Variants in BIRC6 observed in about 807,000 individuals in gnomAD.
BIRC6 encodes the protein baculoviral IAP repeat containing 6, also known as dual E2 ubiquitin-conjugating enzyme/E3 ubiquitin-protein ligase BIRC6.
Under a neutral mutation model 503.3 loss-of-function variants are expected in BIRC6, and 98 were observed. The ratio of observed to expected loss-of-function variants is 0.19; its 90% CI spans 0.17 to 0.23. The LOEUF (loss-of-function observed/expected upper bound fraction) is 0.23. Ranked by LOEUF, BIRC6 falls within the 10% of genes least tolerant of loss-of-function variation. BIRC6 has a pLI of 1.00. For synonymous variants in BIRC6, 2,240 were observed against 2,078.7 expected, an observed-to-expected ratio of 1.08 and a Z score of -2.11; for missense variants, 5,360 against 5,806.0, an observed-to-expected ratio of 0.92 and a Z score of 2.50.
At position 32,477,525 on chromosome 2, in the gene BIRC6, T is replaced by A. The variant is rs764630904; in HGVS notation, c.7010T>A (p.Leu2337Gln). 8.7e-6 allele frequency: 14 copies of A among 1,613,874 alleles called. No homozygotes were observed. The South Asian group carries it at 1.4e-4, about 16-fold the overall frequency. The part of the protein sequence containing the change: ...RCISVVQKLV[L>Q]FLLSMDFTCH... ...ATCTCAGTAGTCCAGAAACTTGTTC[T>A]GTTTCTTCTCTCCATGGACTTTACA... Residue 2337 changes from leucine (L) to glutamine (Q), a missense_variant, in exon 35 of 74, where the codon CTG (leucine) becomes CAG (glutamine). Leu to Gln is a moderately radical substitution (Grantham distance 113). Transcript: ENST00000421745.
chr2:32,430,057 A>C (rs2043927331), intron 11 of BIRC6, among the ~76,000 whole-genome samples: 1 of 152,228 alleles, frequency 6.6e-6, no homozygotes, highest in African/African-American at 2.4e-5. Flanking sequence ...AATATTTACA[A>C]ACTAAGCAGA....
rs778644059 is a variant in BIRC6 at position 32,357,114 on chromosome 2, C to A, written c.-48C>A. On this transcript the variant is annotated 5_prime_UTR_variant, in exon 1 of 74. Coordinates refer to ENST00000421745, the MANE Select transcript of BIRC6 (RefSeq NM_016252.4). The surrounding 1 kb of genome is among the most constrained non-coding windows in gnomAD (Gnocchi z 4.9). ...TCGACGTTCCGCGTGCGTGCGGGCGCCTGACTTCACTTCCGGCTAACGCGC... is the reference window on the plus strand; with the variant it reads ...TCGACGTTCCGCGTGCGTGCGGGCGACTGACTTCACTTCCGGCTAACGCGC... 3.2e-5 allele frequency: 46 copies of A among 1,419,504 alleles called. No homozygotes were observed. Among genetic ancestry groups the A allele is most frequent in the Middle Eastern group, 2.0e-4 (1 of 4,924 alleles). 87.9% of individuals were successfully genotyped at this position (1,419,504 alleles called of 1,614,324 possible).
chr2:32,398,896 T>C (rs890328809), intron 6 of BIRC6, among the ~76,000 whole-genome samples: 1 of 152,110 alleles, frequency 6.6e-6, no homozygotes, highest in African/African-American at 2.4e-5. Flanking sequence ...CATCTACATA[T>C]TAAAAATTGC....
chr2:32,513,635 G>T (rs989784317), intron 54 of BIRC6, among the ~76,000 whole-genome samples: 1 of 152,200 alleles, frequency 6.6e-6, no homozygotes, highest in African/African-American at 2.4e-5. Flanking sequence ...AGAAAGCTGG[G>T]CACAGTGGCT....
rs1046223382 is a variant in BIRC6, at chr2:32,443,476, T to G, written c.4239-15T>G. 1.3e-6 allele frequency: 2 copies of G among 1,571,208 alleles called. No individual in the cohort carries two copies. The highest frequency in any genetic ancestry group is 1.7e-6 in the Non-Finnish European group (2 of 1,157,908). ...AGTAATGTCTTTACAATTTTTCTTT[T>G]TAAAAATTTTTCAGTAATGGCAAAT... On this transcript the variant is annotated splice_polypyrimidine_tract_variant and intron_variant, in intron 19 of 73. Transcript: ENST00000421745.
chr2:32,429,640 C>A (rs76202817), intron 11 of BIRC6, among the ~76,000 whole-genome samples: 2,974 of 152,124 alleles, frequency 0.02, 88 homozygotes, highest in African/African-American at 0.069. Flanking sequence ...TTCACACATA[C>A]GTTGCCCCAT....
chr2:32,512,821 A>G, intron 53 of BIRC6, 112 bp from the exon 54 acceptor site: 1 of 738,114 alleles, frequency 1.4e-6, no homozygotes, highest in South Asian at 1.9e-5. Flanking sequence ...AAAAACAATT[A>G]GTGCATTATT....
rs115766177 is a variant in BIRC6 at position 32,423,406 on chromosome 2, G to T, written c.2873-5740G>T. On this transcript the variant is annotated intron_variant, in intron 10 of 73. Coordinates refer to ENST00000421745, the MANE Select transcript of BIRC6 (RefSeq NM_016252.4). ...GTATAACCACCAGTACTGATTTCCA[G>T]AACTTTCCCATCATCCTAAACAAAA... Among the ~76,000 whole-genome samples, 265 of 152,154 alleles carry T rather than the reference G, an allele frequency of 1.7e-3. 2 individuals are homozygous for T. Among genetic ancestry groups the T allele is most frequent in the African/African-American group, 6.2e-3 (257 of 41,478 alleles).
intron 73 of BIRC6, among the ~76,000 whole-genome samples, chr2:32,612,991 A>G (rs556951454): frequency 8.7e-4 from 133 of 152,058 alleles, no homozygotes; most frequent in Admixed American, 2.4e-3. Context: ...TTTGACTTCT[A>G]TTTTACCAAA....
intron 42 of BIRC6, 119 bp downstream of exon 42, chr2:32,488,833 A>C: frequency 1.4e-6 from 1 of 699,086 alleles, no homozygotes; most frequent in Middle Eastern, 4.5e-4. Context: ...TGGGGAAAAA[A>C]CAGAATACCT....
intron 1 of BIRC6, among the ~76,000 whole-genome samples, chr2:32,373,730 G>T (rs1056540579): frequency 6.6e-6 from 1 of 152,146 alleles, no homozygotes; most frequent in African/African-American, 2.4e-5. Flanking sequence ...TCGCTGTTCT[G>T]TTTCTGGGTG....
At chr2:32,605,832 T>C (rs2062411446) in intron 71 of BIRC6, among the ~76,000 whole-genome samples, 1 of 152,118 alleles carries the variant, frequency 6.6e-6, no homozygotes, top group East Asian at 1.9e-4. Context: ...CACTCCAGCC[T>C]GGGCAACAGA....
intron 65 of BIRC6, among the ~76,000 whole-genome samples, chr2:32,569,278 C>T (rs925904228): frequency 5.9e-5 from 9 of 152,004 alleles, no homozygotes; most frequent in South Asian, 2.1e-4. Flanking sequence ...CGTGAGCCAC[C>T]GCACTTGGCC....
intron 59 of BIRC6, chr2:32,529,385 C>T: frequency 3.2e-6 from 1 of 314,930 alleles, no homozygotes; most frequent in South Asian, 6.1e-5. Context: ...AAATGTCCCA[C>T]ATCAGATTTA....
At chr2:32,542,888 C>T (rs2057777311) in intron 61 of BIRC6, among the ~76,000 whole-genome samples, 1 of 152,144 alleles carries the variant, frequency 6.6e-6, no homozygotes. Flanking sequence ...TGCCTTCCAC[C>T]TCCTGGGTTC....
chr2:32,384,980 C>T (rs1340447075), intron 3 of BIRC6, among the ~76,000 whole-genome samples: 1 of 152,158 alleles, frequency 6.6e-6, no homozygotes, highest in Admixed American at 6.5e-5. Flanking sequence ...AGTTCTGTTT[C>T]TTCCAAGTGC....
intron 69 of BIRC6, among the ~76,000 whole-genome samples, 152 bp from the exon 70 acceptor site, chr2:32,599,587 G>A (rs1047757454): frequency 6.6e-6 from 1 of 152,154 alleles, no homozygotes; most frequent in South Asian, 2.1e-4. Flanking sequence ...GCAGTGAGCC[G>A]AGATTGCGCC....
At chr2:32,419,745 T>C (rs1356366065) in intron 10 of BIRC6, among the ~76,000 whole-genome samples, 2 of 152,244 alleles carry the variant, frequency 1.3e-5, no homozygotes, top group Non-Finnish European at 2.9e-5. Flanking sequence ...CCTGTACTGA[T>C]ATTCAGAAGG....
At chr2:32,360,152 T>C (rs1412775357) in intron 1 of BIRC6, among the ~76,000 whole-genome samples, 1 of 152,170 alleles carries the variant, frequency 6.6e-6, no homozygotes, top group Non-Finnish European at 1.5e-5. Context: ...TCTGAGGGGA[T>C]AAAGACTAGG....
Sources: gnomAD v4.1 joint callset for allele counts (sites outside exome capture counted in the v4.1 genomes callset) on GRCh38, gnomAD v4.1.1 for gene constraint, Gnocchi (gnomAD v3.1) non-coding constraint, MANE v1.5 for transcripts, NCBI Gene and HGNC (gene_info 2026-07-23, HGNC 2026-07-21) for gene names.